The following ADGRB1 variants were observed in gnomAD, a reference collection of about 807,000 sequenced individuals.
ADGRB1 encodes the protein adhesion G protein-coupled receptor B1, also known as brain-specific angiogenesis inhibitor 1.
ADGRB1 carries 36 observed loss-of-function variants against 175.7 expected under a neutral mutation model. The observed-to-expected ratio is 0.20, with a 90% CI of 0.16 to 0.27. The LOEUF is 0.27. Among genes scored for constraint, ADGRB1 ranks in the 10% least tolerant of loss-of-function variants. The pLI, the probability that ADGRB1 is intolerant of heterozygous loss-of-function variation, is 1.00. For missense variants in ADGRB1, 1,731 were observed against 2,255.3 expected (o/e 0.77, Z 4.71); for synonymous variants, 1,054 against 979.4 (o/e 1.08, Z -1.42).
chr8:142,528,693 G>A (rs960803703), intron 24 of ADGRB1, among the ~76,000 whole-genome samples: 5 of 152,050 alleles, frequency 3.3e-5, no homozygotes, highest in Admixed American at 6.6e-5. Context: ...TTGGGGCTCC[G>A]CGCTCTGAGT....
intron 17 of ADGRB1, among the ~76,000 whole-genome samples, chr8:142,495,917 G>C (rs1413343878): frequency 6.7e-6 from 1 of 149,594 alleles, no homozygotes; most frequent in South Asian, 2.1e-4. Flanking sequence ...GTGCATGAGT[G>C]GGTGGGCGGG....
chr8:142,463,196 C>T (rs935966353), intron 1 of ADGRB1, among the ~76,000 whole-genome samples: 10 of 152,200 alleles, frequency 6.6e-5, no homozygotes, highest in Non-Finnish European at 1.0e-4. Context: ...CTCCATCCCT[C>T]CCCAGGCCCT....
intron 13 of ADGRB1, among the ~76,000 whole-genome samples, chr8:142,485,138 G>C (rs1180779498): frequency 6.6e-6 from 1 of 152,196 alleles, no homozygotes; most frequent in Non-Finnish European, 1.5e-5. Flanking sequence ...TGCCTTGCCA[G>C]AGGGGCCTGG....
At chr8:142,527,386 T>G (rs1221391282) in intron 24 of ADGRB1, among the ~76,000 whole-genome samples, 3 of 152,164 alleles carry the variant, frequency 2.0e-5, no homozygotes, top group Non-Finnish European at 4.4e-5. Flanking sequence ...GCTTGGTGTC[T>G]CTCTGTCTCT....
chr8:142,539,646 A>G, intron 27 of ADGRB1: 1 of 594,428 alleles, frequency 1.7e-6, no homozygotes, highest in Non-Finnish European at 3.0e-6. Flanking sequence ...GGGCATGATC[A>G]GAAGCTTCCA....
chr8:142,533,925 G>A (rs551440424), intron 25 of ADGRB1, among the ~76,000 whole-genome samples: 34 of 152,330 alleles, frequency 2.2e-4, no homozygotes, highest in Non-Finnish European at 4.3e-4. Flanking sequence ...ATGCTCTTGC[G>A]GAGGCTGGAA....
At chr8:142,465,275 G>A (rs1043854215) in intron 2 of ADGRB1, among the ~76,000 whole-genome samples, 1 of 152,340 alleles carries the variant, frequency 6.6e-6, no homozygotes, top group East Asian at 1.9e-4. Flanking sequence ...CCGGGCACAC[G>A]GCGGGTGCTG....
At chr8:142,479,220 C>G in intron 7 of ADGRB1, 103 bp from the exon 8 acceptor site, 1 of 1,276,546 alleles carries the variant, frequency 7.8e-7, no homozygotes, top group Non-Finnish European at 1.0e-6. Context: ...TTCACTGCCG[C>G]ATGGCTCTGT....
intron 17 of ADGRB1, among the ~76,000 whole-genome samples, chr8:142,505,140 C>T (rs1012146908): frequency 6.6e-6 from 1 of 152,184 alleles, no homozygotes; most frequent in Non-Finnish European, 1.5e-5. Context: ...AGGCCCTGTG[C>T]GGGCACTGTG....
chr8:142,452,763 C>T (rs1238466178), intron 1 of ADGRB1, among the ~76,000 whole-genome samples: 4 of 151,994 alleles, frequency 2.6e-5, no homozygotes, highest in Non-Finnish European at 1.5e-5. Flanking sequence ...CGGCGTCCTC[C>T]GCCCCCGGTC....
At chr8:142,468,892 T>G (rs1421181662) in intron 2 of ADGRB1, among the ~76,000 whole-genome samples, 4 of 152,244 alleles carry the variant, frequency 2.6e-5, no homozygotes, top group African/African-American at 9.6e-5. Flanking sequence ...CAGGCCAGGA[T>G]GTAAGCAGCA....
chr8:142,473,055 G>C (rs973826530), intron 2 of ADGRB1, among the ~76,000 whole-genome samples: 2 of 152,132 alleles, frequency 1.3e-5, no homozygotes, highest in Admixed American at 1.3e-4. Flanking sequence ...GGGTCACCAA[G>C]GTAACCAGCC....
rs1362141209 is a variant in ADGRB1 at position 142,543,722 on chromosome 8, G to A, written c.4557+14G>A. ...CCGGACAGCAAGGTCTGGAGGGCAGGGAGGGGCGGGGTGGGGAGAGCCCTT... is the reference window on the plus strand; with the variant it reads ...CCGGACAGCAAGGTCTGGAGGGCAGAGAGGGGCGGGGTGGGGAGAGCCCTT... On this transcript the variant is annotated intron_variant, in intron 30 of 30. Coordinates refer to ENST00000517894, the MANE Select transcript of ADGRB1 (RefSeq NM_001702.3). This position sits in a 1 kb window ranked among gnomAD's most constrained non-coding sequence, Gnocchi z 4.4. The A allele has an allele frequency of 1.3e-6, 2 of 1,543,104 alleles. No homozygotes were observed. The highest frequency in any genetic ancestry group is 8.8e-7 in the Non-Finnish European group (1 of 1,139,618).
intron 17 of ADGRB1, among the ~76,000 whole-genome samples, chr8:142,498,416 C>T (rs2131939126): frequency 6.6e-6 from 1 of 152,252 alleles, no homozygotes; most frequent in Admixed American, 6.5e-5. Flanking sequence ...TCAGGCTGCC[C>T]AGGACGCAGC....
intron 27 of ADGRB1, 67 bp downstream of exon 27, chr8:142,539,480 CGCCTGT>C: frequency 6.4e-7 from 1 of 1,552,234 alleles, no homozygotes; most frequent in Non-Finnish European, 8.7e-7. Context: ...TCCACGCCTC[CGCCTGT>C]GCCTCCCCCA....
chr8:142,508,905 G>A (rs914762349), intron 17 of ADGRB1, among the ~76,000 whole-genome samples: 2 of 152,230 alleles, frequency 1.3e-5, no homozygotes, highest in African/African-American at 4.8e-5. Context: ...CAGGGTCACA[G>A]AGCCCAGAGC....
At chr8:142,539,248 G>A (rs1369642678) in intron 26 of ADGRB1, 126 bp from the exon 27 acceptor site, 1 of 966,690 alleles carries the variant, frequency 1.0e-6, no homozygotes, top group Non-Finnish European at 1.6e-6. Flanking sequence ...GCACTGGGCT[G>A]TGGACATGGA....
rs111665592 is a variant in ADGRB1, at chr8:142,502,906, G to C, written c.2676-8026G>C. 8.9e-3 allele frequency among the ~76,000 whole-genome samples: 1,358 copies of C among 151,894 alleles called. 28 individuals are homozygous for C. Among genetic ancestry groups the C allele is most frequent in the African/African-American group, 0.031 (1,278 of 41,306 alleles). Reference sequence around the variant, plus strand: ...CATGATGCTGATGGTCGTGTCTTGAGGTGATGATTGTGGTGTGATGAAGGC... The same window carrying C: ...CATGATGCTGATGGTCGTGTCTTGACGTGATGATTGTGGTGTGATGAAGGC... On this transcript the variant is annotated intron_variant, in intron 17 of 30. Coordinates refer to ENST00000517894, the MANE Select transcript of ADGRB1 (RefSeq NM_001702.3).
intron 1 of ADGRB1, among the ~76,000 whole-genome samples, chr8:142,452,756 C>T (rs13263946): frequency 0.44 from 66,331 of 151,874 alleles, 17,337 homozygotes; most frequent in African/African-American, 0.71. Context: ...CCTCCTGCGG[C>T]GTCCTCCGCC....
Sources: gnomAD v4.1 joint callset for allele counts (sites outside exome capture counted in the v4.1 genomes callset) on GRCh38, gnomAD v4.1.1 for gene constraint, Gnocchi (gnomAD v3.1) non-coding constraint, MANE v1.5 for transcripts, NCBI Gene and HGNC (gene_info 2026-07-23, HGNC 2026-07-21) for gene names.